SSBP2: variants seen among roughly 807,000 people sequenced by gnomAD.
SSBP2 encodes the protein single stranded DNA binding protein 2, also known as single-stranded DNA-binding protein 2.
In SSBP2, 17 loss-of-function variants were observed where a neutral mutation model predicts 61.8. The observed-to-expected ratio is 0.28, with a 90% CI of 0.19 to 0.41. SSBP2 has a LOEUF of 0.41. Ranked by LOEUF, SSBP2 falls within the 10% of genes least tolerant of loss-of-function variation. The pLI is 1.00. For synonymous variants in SSBP2, 139 were observed against 141.3 expected (o/e 0.98, Z 0.12); for missense variants, 310 against 458.7 (o/e 0.68, Z 2.96).
chr5:81,708,866 G>A (rs562737406), intron 1 of SSBP2, among the ~76,000 whole-genome samples: 1 of 151,964 alleles, frequency 6.6e-6, no homozygotes, highest in African/African-American at 2.4e-5. Context: ...CAAGGTAGAG[G>A]ACACAGGGAG....
intron 16 of SSBP2, among the ~76,000 whole-genome samples, chr5:81,426,829 C>T (rs944466418): frequency 2.0e-5 from 3 of 152,146 alleles, no homozygotes; most frequent in African/African-American, 7.2e-5. Context: ...CTTGTCACTG[C>T]CCATAAGTGA....
intron 6 of SSBP2, among the ~76,000 whole-genome samples, chr5:81,476,144 A>C (rs1050974287): frequency 6.6e-6 from 1 of 152,116 alleles, no homozygotes; most frequent in African/African-American, 2.4e-5. Context: ...AGCAAGCTGA[A>C]GACATGATAC....
chr5:81,719,767 T>A (rs1379444513), intron 1 of SSBP2, among the ~76,000 whole-genome samples: 1 of 152,128 alleles, frequency 6.6e-6, no homozygotes, highest in Non-Finnish European at 1.5e-5. Context: ...CAAGCCTTTA[T>A]TATGGTTTTC....
At chr5:81,715,609 G>A (rs903161757) in intron 1 of SSBP2, among the ~76,000 whole-genome samples, 2 of 152,080 alleles carry the variant, frequency 1.3e-5, no homozygotes, top group Non-Finnish European at 2.9e-5. Flanking sequence ...CTGTGTACAA[G>A]AAAGAAAAAG....
chr5:81,689,261 G>C (rs1753034005), intron 1 of SSBP2, among the ~76,000 whole-genome samples: 1 of 152,062 alleles, frequency 6.6e-6, no homozygotes, highest in Non-Finnish European at 1.5e-5. Context: ...AAGAGTTATT[G>C]GCTGTAAAGA....
intron 8 of SSBP2, among the ~76,000 whole-genome samples, chr5:81,467,367 A>G (rs2154012173): frequency 6.6e-6 from 1 of 152,198 alleles, no homozygotes; most frequent in East Asian, 1.9e-4. Flanking sequence ...AATGAAACAT[A>G]TCATAAATCC....
At chr5:81,684,301 A>C (rs1038319643) in intron 1 of SSBP2, among the ~76,000 whole-genome samples, 1 of 152,206 alleles carries the variant, frequency 6.6e-6, no homozygotes, top group Non-Finnish European at 1.5e-5. Flanking sequence ...AAAGACACAG[A>C]GGAAACTTAA....
intron 1 of SSBP2, among the ~76,000 whole-genome samples, chr5:81,720,652 CAA>C (rs1755484413): frequency 6.6e-6 from 1 of 152,170 alleles, no homozygotes; most frequent in Non-Finnish European, 1.5e-5. Flanking sequence ...AGATAAATAT[CAA>C]GGCACTTCCC....
chr5:81,605,190 C>G (rs1016765974), intron 4 of SSBP2, among the ~76,000 whole-genome samples: 4 of 106,972 alleles, frequency 3.7e-5, no homozygotes, highest in African/African-American at 1.2e-4. Context: ...TTCTTATGCT[C>G]TTATTCTTGA....
At chr5:81,550,684 T>C (rs188785407) in intron 4 of SSBP2, among the ~76,000 whole-genome samples, 74 of 152,318 alleles carry the variant, frequency 4.9e-4, no homozygotes, top group Non-Finnish European at 8.2e-4. Flanking sequence ...CTTAACCATG[T>C]AGATATAATT....
At chr5:81,527,225 T>C (rs1770012719) in intron 4 of SSBP2, among the ~76,000 whole-genome samples, 1 of 152,034 alleles carries the variant, frequency 6.6e-6, no homozygotes, top group Admixed American at 6.6e-5. Context: ...TTTAAATAGA[T>C]AACTCTGGTA....
At chr5:81,492,788 T>A (rs1200616801) in intron 5 of SSBP2, among the ~76,000 whole-genome samples, 1 of 152,182 alleles carries the variant, frequency 6.6e-6, no homozygotes, top group Non-Finnish European at 1.5e-5. Flanking sequence ...TAATCATCTT[T>A]CAGGGCTTTA....
chr5:81,605,268 C>T (rs1035444826), intron 4 of SSBP2, among the ~76,000 whole-genome samples: 2 of 152,074 alleles, frequency 1.3e-5, no homozygotes, highest in African/African-American at 2.4e-5. Flanking sequence ...AAAATATGCA[C>T]AAACTTTTTT....
intron 5 of SSBP2, among the ~76,000 whole-genome samples, chr5:81,503,499 G>T (rs190564393): frequency 1.8e-3 from 272 of 152,192 alleles, no homozygotes; most frequent in Middle Eastern, 0.01. Flanking sequence ...TGGCAAGGTT[G>T]CAGAGAAAAA....
In SSBP2 at chr5:81,514,866, A is replaced by G. The variant is rs374171523; in HGVS notation, c.283-1149T>C. 3.3e-5 allele frequency among the ~76,000 whole-genome samples: 5 copies of G among 152,142 alleles called. No homozygotes were observed. The East Asian group carries it at 5.8e-4, about 18-fold the overall frequency. On this transcript the variant is annotated intron_variant, in intron 4 of 16. Coordinates refer to ENST00000320672, the MANE Select transcript of SSBP2 (RefSeq NM_012446.5). ...TTTAGTATTTCCTGAGGAAGTCTAG[A>G]TTTAAACGTGATTATCTGAAATGTT...
Position 81,417,576 on chromosome 5 carries a change from T to C in SSBP2, c.*2928A>G, listed in dbSNP as rs978236048. The C allele has an allele frequency of 6.6e-6, 1 of 152,140 alleles. No homozygotes were observed. Among genetic ancestry groups the C allele is most frequent in the Admixed American group, 6.5e-5 (1 of 15,276 alleles). 9.4% of individuals were successfully genotyped at this position (152,140 alleles called of 1,614,324 possible). A position where few individuals can be genotyped will look rare whatever the true frequency, so the allele number is the denominator to read the frequency against. ...ATACATCAAGACCAACACGAATGCA[T>C]TGATAAAGATGGAAAACACAAGAGA... On this transcript the variant is annotated 3_prime_UTR_variant, in exon 17 of 17. Coordinates refer to ENST00000320672, the MANE Select transcript of SSBP2 (RefSeq NM_012446.5).
Position 81,467,070 on chromosome 5 carries a change from C to T in SSBP2, c.571-29G>A, listed in dbSNP as rs1219807158. Reference sequence around the variant, plus strand: ...TAATGATAACCAAGGGTCAGACTACCACAAAACAAAAAAACAAAACCAAAG... The same window carrying T: ...TAATGATAACCAAGGGTCAGACTACTACAAAACAAAAAAACAAAACCAAAG... On this transcript the variant is annotated intron_variant, in intron 8 of 16. Transcript: ENST00000320672. 6.3e-7 allele frequency: 1 copy of T among 1,591,144 alleles called. No individual in the cohort carries two copies. The highest frequency in any genetic ancestry group is 8.6e-7 in the Non-Finnish European group (1 of 1,167,650).
At chr5:81,613,529 T>C (rs1339267282) in intron 4 of SSBP2, among the ~76,000 whole-genome samples, 1 of 152,230 alleles carries the variant, frequency 6.6e-6, no homozygotes, top group African/African-American at 2.4e-5. Context: ...GCTAAATTAG[T>C]TCACTTTTCC....
intron 15 of SSBP2, among the ~76,000 whole-genome samples, chr5:81,430,277 T>C (rs1437114980): frequency 6.6e-6 from 1 of 152,178 alleles, no homozygotes; most frequent in Non-Finnish European, 1.5e-5. Flanking sequence ...TCACTTTATA[T>C]ATAATGGAGA....
Sources: allele counts gnomAD v4.1 joint callset (sites outside exome capture counted in the v4.1 genomes callset), GRCh38; gene constraint gnomAD v4.1.1; transcripts MANE v1.5; gene names NCBI Gene and HGNC (gene_info 2026-07-23, HGNC 2026-07-21).